Variants in FKBP11 observed in about 807,000 individuals in gnomAD.
FKBP11 encodes the protein FKBP prolyl isomerase 11.
A neutral mutation model predicts 24.7 loss-of-function variants in FKBP11; 21 were observed. The observed-to-expected ratio is 0.85, with a 90% CI of 0.60 to 1.23. The LOEUF is 1.23. FKBP11 is among the 50% of genes most tolerant of loss of function. FKBP11 has a pLI of 0.00. For missense variants in FKBP11, 245 were observed against 248.7 expected, an observed-to-expected ratio of 0.99 and a Z score of 0.10; for synonymous variants, 106 against 100.6, an observed-to-expected ratio of 1.05 and a Z score of -0.32.
chr12:48,924,946 T>C, intron 2 of FKBP11, 100 bp downstream of exon 2: 4 of 1,465,110 alleles, frequency 2.7e-6, no homozygotes, highest in Non-Finnish European at 3.6e-6. Context: ...CCCGAGTTTC[T>C]TCTCCCGAAC....
At chr12:48,938,747 G>C in the FKBP11 span, 1 of 645,994 alleles carries the variant, frequency 1.5e-6, no homozygotes, top group Non-Finnish European at 2.7e-6. Flanking sequence ...CTCATCATCA[G>C]GACAGCAATT....
Position 48,922,179 on chromosome 12 carries a change from G to A in FKBP11, c.411C>T (p.Asp137=), listed in dbSNP as rs201795150. 12 of 1,613,822 alleles carry A rather than the reference G, an allele frequency of 7.4e-6. No individual in the cohort carries two copies. Among genetic ancestry groups the A allele is most frequent in the East Asian group, 6.7e-5 (3 of 44,874 alleles). The change falls in exon 6 of 6, where the codon GAC becomes GAT. Residue 137 remains aspartate, a synonymous_variant. Coordinates refer to ENST00000550765, the MANE Select transcript of FKBP11 (RefSeq NM_016594.3). ...CTCGGATTAGTGCAATCAGCTCCAC[G>A]TCATACTGCACCACTGCATCCGCTG... ...SVPADAVVQY[D]VELIALIRAN... is the part of the protein sequence containing the mutation.
At chr12:48,930,850 C>A (rs972057091), upstream of FKBP11, among the ~76,000 whole-genome samples, 1 of 152,094 alleles carries the variant, frequency 6.6e-6, no homozygotes. Context: ...AGTTGTAGGC[C>A]GGGTGCAGTG....
the FKBP11 span, among the ~76,000 whole-genome samples, chr12:48,933,441 CCTGT>C: frequency 6.6e-6 from 1 of 152,154 alleles, no homozygotes; most frequent in Non-Finnish European, 1.5e-5. Flanking sequence ...GTGGCTCATG[CCTGT>C]AATCCCAGTG....
chr12:48,924,035 C>T, intron 4 of FKBP11, 183 bp from the exon 5 acceptor site: 6 of 882,804 alleles, frequency 6.8e-6, no homozygotes, highest in Admixed American at 2.0e-5. Flanking sequence ...TCAACTCCCC[C>T]GACAAAAGCA....
At chr12:48,932,997 GCTC>G in the FKBP11 span, among the ~76,000 whole-genome samples, 1 of 152,144 alleles carries the variant, frequency 6.6e-6, no homozygotes, top group African/African-American at 2.4e-5. Context: ...AGCCGGAAGT[GCTC>G]CTCAACTAGA....
chr12:48,929,576 T>A (rs1395639742), upstream of FKBP11, among the ~76,000 whole-genome samples: 1 of 152,242 alleles, frequency 6.6e-6, no homozygotes, highest in East Asian at 1.9e-4. Flanking sequence ...CCCACGTGAA[T>A]AAAATTCCAA....
chr12:48,938,877 T>A, the FKBP11 span: 2 of 1,560,346 alleles, frequency 1.3e-6, no homozygotes, highest in Non-Finnish European at 1.7e-6. Flanking sequence ...GAGGAAGGGG[T>A]AGGACTGGGG....
rs773554557 is a variant in FKBP11, at chr12:48,924,570, C to A, written c.274G>T (p.Val92Leu). ...GGCACAGGTCACATACCTGGAATCACCTGCTTTTGGCCAAGTTCTATAACC... is the reference window on the plus strand; with the variant it reads ...GGCACAGGTCACATACCTGGAATCAACTGCTTTTGGCCAAGTTCTATAACC... ...PLVIELGQKQ[V>L]IPGLEQSLLD... The change falls in exon 3 of 6, where the codon GTG (valine) becomes TTG (leucine). Residue 92 changes from valine (V) to leucine (L), a missense_variant. Coordinates refer to ENST00000550765, the MANE Select transcript of FKBP11 (RefSeq NM_016594.3). The A allele has an allele frequency of 6.2e-7, 1 of 1,614,004 alleles. No individual in the cohort carries two copies. Among genetic ancestry groups the A allele is most frequent in the Non-Finnish European group, 8.5e-7 (1 of 1,179,902 alleles).
At chr12:48,933,406 A>G in the FKBP11 span, among the ~76,000 whole-genome samples, 1 of 152,188 alleles carries the variant, frequency 6.6e-6, no homozygotes, top group East Asian at 1.9e-4. Flanking sequence ...TCAGAACTGG[A>G]AAAGAAGCTT....
At chr12:48,934,792 T>C in the FKBP11 span, among the ~76,000 whole-genome samples, 1 of 152,000 alleles carries the variant, frequency 6.6e-6, no homozygotes, top group Non-Finnish European at 1.5e-5. Context: ...GGTGGGCAGA[T>C]CACCTGAGGT....
At chr12:48,934,880 C>T in the FKBP11 span, among the ~76,000 whole-genome samples, 4 of 151,612 alleles carry the variant, frequency 2.6e-5, no homozygotes, top group Non-Finnish European at 4.4e-5. Context: ...GGTGTGGTGG[C>T]GCATGCCTGT....
the FKBP11 span, among the ~76,000 whole-genome samples, chr12:48,935,018 C>CAA: frequency 0.045 from 3,950 of 87,302 alleles, 93 homozygotes; most frequent in Non-Finnish European, 0.064. Flanking sequence ...AATTCCGTCT[C>CAA]AAAAAAAAAA....
chr12:48,929,921 T>C (rs1940026593), upstream of FKBP11, among the ~76,000 whole-genome samples: 1 of 152,156 alleles, frequency 6.6e-6, no homozygotes, highest in East Asian at 1.9e-4. Flanking sequence ...AAGTCCTGAT[T>C]CTCTTAGCTA....
At chr12:48,931,128 T>TGAAAAA (rs1940043698), upstream of FKBP11, among the ~76,000 whole-genome samples, 2 of 36,198 alleles carry the variant, frequency 5.5e-5, no homozygotes, top group African/African-American at 1.3e-4. Context: ...GACTCCAGCT[T>TGAAAAA]AAAAAAAAAA....
intron 5 of FKBP11, 71 bp downstream of exon 5, chr12:48,923,711 G>C: frequency 6.3e-7 from 1 of 1,587,018 alleles, no homozygotes; most frequent in Non-Finnish European, 8.7e-7. Flanking sequence ...ATCAAACAAA[G>C]TATATAGCTC....
Position 48,925,462 on chromosome 12 carries a change from G to A in FKBP11, c.-34C>T, listed in dbSNP as rs1481178560. The A allele has an allele frequency of 6.5e-7, 1 of 1,538,798 alleles. No individual in the cohort carries two copies. The highest frequency in any genetic ancestry group is 8.8e-7 in the Non-Finnish European group (1 of 1,142,822). On this transcript the variant is annotated 5_prime_UTR_variant, in exon 1 of 6. Coordinates refer to ENST00000550765, the MANE Select transcript of FKBP11 (RefSeq NM_016594.3). The stretch of plus-strand genomic sequence containing the variant: ...GCGGGGCAGGGAGCCGGGGCACCAG[G>A]ACAGGCTGTTCGGGTGGCGGCAGCC...
intron 1 of FKBP11, 57 bp downstream of exon 1, chr12:48,925,243 A>T: frequency 6.3e-7 from 1 of 1,598,750 alleles, no homozygotes; most frequent in Non-Finnish European, 8.5e-7. Flanking sequence ...AGACCCCAGT[A>T]TTACCACCCA....
chr12:48,928,000 G>A (rs576761402), upstream of FKBP11, among the ~76,000 whole-genome samples: 1 of 149,100 alleles, frequency 6.7e-6, no homozygotes, highest in East Asian at 2.0e-4. Flanking sequence ...GTAACTGGCC[G>A]TGAACAATTG....
Sources: allele counts gnomAD v4.1 joint callset (sites outside exome capture counted in the v4.1 genomes callset), GRCh38; gene constraint gnomAD v4.1.1; transcripts MANE v1.5; gene names NCBI Gene and HGNC (gene_info 2026-07-23, HGNC 2026-07-21).